The following PSD3 variants were observed in gnomAD, a reference collection of about 807,000 sequenced individuals.
PSD3 encodes PH and SEC7 domain-containing protein 3.
A neutral mutation model predicts 105.5 loss-of-function variants in PSD3; 49 were observed. The observed-to-expected ratio is 0.46, with a 90% CI of 0.37 to 0.59. PSD3 has a LOEUF of 0.59. Ranked by LOEUF, PSD3 falls within the 20% of genes least tolerant of loss-of-function variation. The pLI is 0.00. For missense variants in PSD3, 1,561 were observed against 1,263.8 expected, an observed-to-expected ratio of 1.24 and a Z score of -3.57; for synonymous variants, 557 against 457.8, an observed-to-expected ratio of 1.22 and a Z score of -2.77.
chr8:18,938,274 A>C (rs1278627493), intron 1 of PSD3, among the ~76,000 whole-genome samples: 1 of 152,206 alleles, frequency 6.6e-6, no homozygotes, highest in Admixed American at 6.5e-5. Flanking sequence ...GGATGAATTA[A>C]AATATATTTT....
At chr8:18,547,128 C>T (rs10888156) in intron 15 of PSD3, among the ~76,000 whole-genome samples, 91,388 of 151,988 alleles carry the variant, frequency 0.6, 28,535 homozygotes, top group Admixed American at 0.71. Flanking sequence ...ACTGGGCACC[C>T]ACCCATGTAA....
intron 1 of PSD3, among the ~76,000 whole-genome samples, chr8:18,954,552 T>A (rs1262726161): frequency 6.6e-6 from 1 of 152,080 alleles, no homozygotes; most frequent in South Asian, 2.1e-4. Flanking sequence ...CATCCATCCA[T>A]CCATCCATCA....
At chr8:18,564,294 AG>A (rs1055164124) in intron 14 of PSD3, among the ~76,000 whole-genome samples, 4 of 152,186 alleles carry the variant, frequency 2.6e-5, no homozygotes, top group African/African-American at 9.6e-5. Context: ...CCAGTGATCT[AG>A]GTAGAATATG....
intron 15 of PSD3, among the ~76,000 whole-genome samples, chr8:18,554,068 A>C (rs538966873): frequency 6.6e-6 from 1 of 152,196 alleles, no homozygotes; most frequent in Non-Finnish European, 1.5e-5. Context: ...TTCAGAAAAG[A>C]GGTAGCGCTG....
At chr8:18,895,840 A>G (rs1819115403) in intron 2 of PSD3, among the ~76,000 whole-genome samples, 1 of 152,244 alleles carries the variant, frequency 6.6e-6, no homozygotes, top group Admixed American at 6.5e-5. Context: ...ATTTGAAAAT[A>G]TACAATAAAT....
intron 4 of PSD3, among the ~76,000 whole-genome samples, chr8:18,835,321 G>A (rs1041463504): frequency 6.6e-6 from 1 of 152,080 alleles, no homozygotes; most frequent in Non-Finnish European, 1.5e-5. Context: ...TGTTTTTCAC[G>A]CATTACTCAT....
intron 1 of PSD3, among the ~76,000 whole-genome samples, chr8:18,993,228 A>G (rs1381170231): frequency 6.6e-6 from 1 of 152,130 alleles, no homozygotes; most frequent in Non-Finnish European, 1.5e-5. Context: ...TTTATTCCAA[A>G]CACTTACTGG....
In PSD3 at chr8:18,572,651, C is replaced by T. The variant is rs750900665; in HGVS notation, c.2661G>A (p.Gly887=). Residue 887 remains glycine (G), a synonymous_variant, in exon 14 of 16, where the codon GGG becomes GGA. Transcript: ENST00000327040. ...CCACACAATTGATTTTGTTTATCCA[C>T]CCTTGCATTTCCTCTGGGCTCCTAT... ...FQTQSPEEMQ[G]WINKINCVAA... 1 of 1,613,970 alleles carries T rather than the reference C, an allele frequency of 6.2e-7. No individual in the cohort carries two copies. The highest frequency in any genetic ancestry group is 8.5e-7 in the Non-Finnish European group (1 of 1,179,900).
chr8:18,548,731 T>G (rs749063529), intron 15 of PSD3, among the ~76,000 whole-genome samples: 8 of 152,142 alleles, frequency 5.3e-5, no homozygotes, highest in Non-Finnish European at 1.2e-4. Context: ...CTATCTGCAG[T>G]GCATGCATTG....
intron 4 of PSD3, among the ~76,000 whole-genome samples, chr8:18,829,749 T>C (rs192072661): frequency 6.6e-6 from 1 of 152,302 alleles, no homozygotes; most frequent in East Asian, 1.9e-4. Flanking sequence ...AATAGGGCAC[T>C]TCTTTAACTG....
At chr8:18,758,413 T>A (rs1157236555) in intron 9 of PSD3, among the ~76,000 whole-genome samples, 1 of 135,160 alleles carries the variant, frequency 7.4e-6, no homozygotes. Context: ...TCAGTTTTAC[T>A]CTTTTTTTTT....
intron 9 of PSD3, among the ~76,000 whole-genome samples, chr8:18,690,780 G>A (rs916258559): frequency 5.9e-5 from 9 of 152,224 alleles, no homozygotes; most frequent in African/African-American, 1.2e-4. Context: ...GTCACCCTTC[G>A]ACCCCAGCCT....
intron 1 of PSD3, among the ~76,000 whole-genome samples, chr8:18,977,483 C>T (rs1336477409): frequency 6.6e-6 from 1 of 151,994 alleles, no homozygotes; most frequent in Non-Finnish European, 1.5e-5. Flanking sequence ...ATGTTATTTG[C>T]TTTATTACTA....
At chr8:18,893,972 A>G (rs1412946947) in intron 2 of PSD3, among the ~76,000 whole-genome samples, 3 of 152,214 alleles carry the variant, frequency 2.0e-5, no homozygotes, top group Non-Finnish European at 4.4e-5. Flanking sequence ...AAAATGCAAG[A>G]GCTTGGAAGC....
chr8:18,980,021 T>C (rs936537668), intron 1 of PSD3, among the ~76,000 whole-genome samples: 2 of 152,230 alleles, frequency 1.3e-5, no homozygotes, highest in African/African-American at 4.8e-5. Flanking sequence ...CACTGATCTA[T>C]GTTTTAGCAG....
chr8:18,715,768 AT>A (rs767129309), intron 9 of PSD3, among the ~76,000 whole-genome samples: 15 of 152,182 alleles, frequency 9.9e-5, no homozygotes, highest in Non-Finnish European at 1.8e-4. Flanking sequence ...CCCCATTGCA[AT>A]CTGCAATTTC....
In PSD3 at chr8:18,867,694, CG is replaced by C; in HGVS notation, c.1613del (p.Pro538ArgfsTer12). 6.2e-7 allele frequency: 1 copy of C among 1,611,934 alleles called. No homozygotes were observed. Among genetic ancestry groups the C allele is most frequent in the Non-Finnish European group, 8.5e-7 (1 of 1,178,522 alleles). On this transcript the variant is annotated frameshift_variant, in exon 4 of 16. Coordinates refer to ENST00000327040, the MANE Select transcript of PSD3 (RefSeq NM_015310.4). LOFTEE classifies it high-confidence loss of function. The stretch of plus-strand genomic sequence containing the variant: ...AGTACCTTCCCCAGAAAGCAATCTC[CG>C]GGGTGCCTTTCGTGTAGATGGAGTC... ...ASDSIYTKGT[P>X]EIAFWGSNAG...
At position 18,801,243 on chromosome 8, in the gene PSD3, G is replaced by A. The variant is rs755473406; in HGVS notation, c.2023+27C>T. 3.2e-4 allele frequency: 444 copies of A among 1,383,514 alleles called. 1 individual carries two copies. The highest frequency in any genetic ancestry group is 4.2e-4 in the Non-Finnish European group (414 of 996,008). The allele number at this position is 1,383,514 out of a possible 1,614,324, so 85.7% of individuals were successfully genotyped here. ...GGAAAATAACCATTGATATAAAAAA[G>A]AAATTCAAGGATTTGTATCAGATTA... On this transcript the variant is annotated intron_variant, in intron 7 of 15. Transcript: ENST00000327040.
chr8:18,736,704 A>C (rs1804176534), intron 9 of PSD3, among the ~76,000 whole-genome samples: 1 of 152,192 alleles, frequency 6.6e-6, no homozygotes, highest in African/African-American at 2.4e-5. Flanking sequence ...CAAAAACAAG[A>C]GATGAAAAAA....
Sources: gnomAD v4.1 joint callset for allele counts (sites outside exome capture counted in the v4.1 genomes callset) on GRCh38, gnomAD v4.1.1 for gene constraint, MANE v1.5 for transcripts, NCBI Gene and HGNC (gene_info 2026-07-23, HGNC 2026-07-21) for gene names.